LRP12: variants seen among roughly 807,000 people sequenced by gnomAD.
LRP12 encodes the protein low-density lipoprotein receptor-related protein 12.
In LRP12, 14 loss-of-function variants were observed where a neutral mutation model predicts 66.0. The ratio of observed to expected loss-of-function variants is 0.21; its 90% CI spans 0.14 to 0.33. The LOEUF (loss-of-function observed/expected upper bound fraction) is 0.33. LRP12 is among the 10% of genes least tolerant of loss of function. The pLI is 1.00. For synonymous variants in LRP12, 357 were observed against 359.1 expected, an observed-to-expected ratio of 0.99 and a Z score of 0.07; for missense variants, 889 against 1,053.4, an observed-to-expected ratio of 0.84 and a Z score of 2.16.
chr8:104,572,569 A>G (rs186979459), intron 1 of LRP12, among the ~76,000 whole-genome samples: 2 of 152,300 alleles, frequency 1.3e-5, no homozygotes, highest in Admixed American at 6.5e-5. Context: ...GAAACCTTTG[A>G]TAAGTCTGTT....
intron 1 of LRP12, among the ~76,000 whole-genome samples, chr8:104,537,762 C>A (rs1205592340): frequency 3.3e-5 from 5 of 152,030 alleles, no homozygotes; most frequent in African/African-American, 1.2e-4. Context: ...GAAATGAAAT[C>A]ATATAAAAAA....
At chr8:104,508,495 T>A (rs1183464026) in intron 3 of LRP12, 1 of 152,462 alleles carries the variant, frequency 6.6e-6, no homozygotes, top group Non-Finnish European at 1.5e-5. Flanking sequence ...TTTCAAGTTT[T>A]ATACATACAT....
intron 1 of LRP12, among the ~76,000 whole-genome samples, chr8:104,548,771 C>A (rs912255228): frequency 6.6e-6 from 1 of 150,844 alleles, no homozygotes; most frequent in Admixed American, 6.7e-5. Flanking sequence ...ATGGAGAAAC[C>A]CCGTCTCTAC....
intron 1 of LRP12, among the ~76,000 whole-genome samples, chr8:104,543,798 T>C (rs1238124345): frequency 6.6e-6 from 1 of 152,130 alleles, no homozygotes; most frequent in Non-Finnish European, 1.5e-5. Context: ...GGCGCATGCC[T>C]GTAATCTCAG....
At chr8:104,588,496 C>A (rs1029410547) in intron 1 of LRP12, among the ~76,000 whole-genome samples, 1 of 152,180 alleles carries the variant, frequency 6.6e-6, no homozygotes, top group South Asian at 2.1e-4. Flanking sequence ...TGCCAGGCTA[C>A]GGGTCCTGGA....
rs1184971841 is a variant in LRP12, at chr8:104,589,200, G to A, written c.-303C>T. Among the ~76,000 whole-genome samples, 1 of 151,636 alleles carries A rather than the reference G, an allele frequency of 6.6e-6. No homozygotes were observed. Among genetic ancestry groups the A allele is most frequent in the Non-Finnish European group, 1.5e-5 (1 of 67,826 alleles). The stretch of plus-strand genomic sequence containing the variant: ...CGCCAGCGCGAGACGAGAGGGTGGC[G>A]GACGCCGGACTCCGGCCTCGCGCCG... On this transcript the variant is annotated 5_prime_UTR_variant, in exon 1 of 7. Coordinates refer to ENST00000276654, the MANE Select transcript of LRP12 (RefSeq NM_013437.5).
At chr8:104,535,749 A>T (rs1216268299) in intron 1 of LRP12, among the ~76,000 whole-genome samples, 1 of 152,052 alleles carries the variant, frequency 6.6e-6, no homozygotes, top group Non-Finnish European at 1.5e-5. Context: ...GTCATTAAAA[A>T]GTCTGTATTC....
intron 1 of LRP12, among the ~76,000 whole-genome samples, chr8:104,562,744 G>C (rs1452702883): frequency 6.6e-6 from 1 of 152,106 alleles, no homozygotes; most frequent in Non-Finnish European, 1.5e-5. Flanking sequence ...GGAGATGGGA[G>C]AAAATTAACA....
chr8:104,542,885 A>T (rs147975467), intron 1 of LRP12, among the ~76,000 whole-genome samples: 1,803 of 151,898 alleles, frequency 0.012, 10 homozygotes, highest in Non-Finnish European at 0.017. Context: ...GAGGAGGAGG[A>T]AGTGGTAGAG....
chr8:104,527,680 T>C (rs1006297368), intron 2 of LRP12, among the ~76,000 whole-genome samples: 1 of 151,908 alleles, frequency 6.6e-6, no homozygotes, highest in African/African-American at 2.4e-5. Flanking sequence ...TGGGGACTGT[T>C]GTGGGGTAAG....
At chr8:104,549,765 T>C (rs1313849655) in intron 1 of LRP12, among the ~76,000 whole-genome samples, 2 of 152,192 alleles carry the variant, frequency 1.3e-5, no homozygotes, top group East Asian at 1.9e-4. Context: ...TGTAAATTCA[T>C]GGTTTCAATT....
intron 1 of LRP12, among the ~76,000 whole-genome samples, chr8:104,587,069 T>C (rs936384607): frequency 1.3e-5 from 2 of 152,154 alleles, no homozygotes; most frequent in African/African-American, 4.8e-5. Flanking sequence ...CCAAAACAAA[T>C]TGAGGGGTTC....
At chr8:104,564,599 T>C (rs757392565) in intron 1 of LRP12, among the ~76,000 whole-genome samples, 4 of 151,348 alleles carry the variant, frequency 2.6e-5, no homozygotes, top group African/African-American at 7.3e-5. Flanking sequence ...CAGCACCGCA[T>C]AGCTAACTAA....
In LRP12 at chr8:104,586,304, A is replaced by AT. The variant is rs531422921; in HGVS notation, c.79+2514dup. On this transcript the variant is annotated intron_variant, in intron 1 of 6. Transcript: ENST00000276654. The stretch of plus-strand genomic sequence containing the variant: ...GTAGCACCAAAATAAACAACAAAAA[A>AT]TTTTTTTATGTATGTGAAATGTTTC... Among the ~76,000 whole-genome samples the AT allele has an allele frequency of 4.6e-5, 7 of 152,278 alleles. No individual in the cohort carries two copies. The South Asian group carries it at 1.4e-3, about 32-fold the overall frequency.
At chr8:104,526,034 A>G (rs888019169) in intron 2 of LRP12, among the ~76,000 whole-genome samples, 2 of 152,200 alleles carry the variant, frequency 1.3e-5, no homozygotes, top group African/African-American at 4.8e-5. Context: ...TTATACACCA[A>G]TAACAGACAA....
chr8:104,555,064 C>T (rs1449318875), intron 1 of LRP12, among the ~76,000 whole-genome samples: 2 of 152,064 alleles, frequency 1.3e-5, no homozygotes, highest in Admixed American at 6.6e-5. Flanking sequence ...TTTAGATAAA[C>T]AAATGCTGAG....
intron 1 of LRP12, among the ~76,000 whole-genome samples, chr8:104,579,667 C>T (rs867249453): frequency 2.6e-5 from 4 of 152,086 alleles, no homozygotes; most frequent in Admixed American, 1.3e-4. Flanking sequence ...TCATGCTACC[C>T]AACTTCAAAC....
intron 2 of LRP12, among the ~76,000 whole-genome samples, chr8:104,518,871 G>C (rs1441260885): frequency 1.3e-5 from 2 of 151,982 alleles, no homozygotes; most frequent in African/African-American, 2.4e-5. Flanking sequence ...CATTTCAAAG[G>C]AAAGAGCAAT....
intron 3 of LRP12, chr8:104,505,194 A>AT (rs1310545898): frequency 6.7e-6 from 1 of 149,644 alleles, no homozygotes; most frequent in Non-Finnish European, 1.5e-5. Context: ...AGTTTTTTGT[A>AT]TTTTTTGTAA....
Sources: allele counts gnomAD v4.1 joint callset (sites outside exome capture counted in the v4.1 genomes callset), GRCh38; gene constraint gnomAD v4.1.1; transcripts MANE v1.5; gene names NCBI Gene and HGNC (gene_info 2026-07-23, HGNC 2026-07-21).